The following SMPD3 variants were observed in gnomAD, a reference collection of about 807,000 sequenced individuals.
The protein encoded by SMPD3 is sphingomyelin phosphodiesterase 3.
Under a neutral mutation model 55.7 loss-of-function variants are expected in SMPD3, and 21 were observed. That is an observed-to-expected ratio of 0.38 (90% confidence interval 0.27 to 0.54). SMPD3 has a LOEUF of 0.54. Among genes scored for constraint, SMPD3 ranks in the 20% least tolerant of loss-of-function variants. The pLI is 0.80. For missense variants in SMPD3, 842 were observed against 899.6 expected (o/e 0.94, Z 0.82); for synonymous variants, 457 against 404.3 (o/e 1.13, Z -1.56).
chr16:68,427,313 T>C (rs1378351594), intron 1 of SMPD3, among the ~76,000 whole-genome samples: 2 of 152,160 alleles, frequency 1.3e-5, no homozygotes, highest in African/African-American at 4.8e-5. Flanking sequence ...TAAACTAAGG[T>C]CTATCTGATT....
intron 1 of SMPD3, among the ~76,000 whole-genome samples, chr16:68,413,140 G>A (rs2090314724): frequency 1.3e-5 from 2 of 152,220 alleles, no homozygotes; most frequent in Admixed American, 1.3e-4. Context: ...ATGAGGCTTT[G>A]CTGGATGCAC....
At chr16:68,433,973 A>G (rs530110385) in intron 1 of SMPD3, among the ~76,000 whole-genome samples, 1 of 152,172 alleles carries the variant, frequency 6.6e-6, no homozygotes, top group Non-Finnish European at 1.5e-5. Flanking sequence ...CAACCTTTCT[A>G]AACATACCAT....
intron 1 of SMPD3, among the ~76,000 whole-genome samples, chr16:68,429,185 T>A (rs538720408): frequency 1.3e-5 from 2 of 152,314 alleles, no homozygotes; most frequent in Admixed American, 6.5e-5. Flanking sequence ...CTAATCTCCA[T>A]TGTGGGCAAA....
Position 68,361,025 on chromosome 16 carries a change from T to C in SMPD3, c.*181A>G, listed in dbSNP as rs987932765. The C allele has an allele frequency of 1.7e-6, 1 of 596,148 alleles. No individual in the cohort carries two copies. Among genetic ancestry groups the C allele is most frequent in the Non-Finnish European group, 2.9e-6 (1 of 341,088 alleles). The allele number at this position is 596,148 out of a possible 1,614,324, so 36.9% of individuals were successfully genotyped here. On this transcript the variant is annotated 3_prime_UTR_variant, in exon 9 of 9. Transcript: ENST00000219334. ...GCTCCTGGGGCGGGCCTGACTCCTC[T>C]GTCCACAGTGAGGCCCAGAGGCGCA... is the stretch of plus-strand genomic sequence containing the variant.
intron 1 of SMPD3, among the ~76,000 whole-genome samples, chr16:68,411,902 C>T (rs1366867524): frequency 6.6e-6 from 1 of 152,062 alleles, no homozygotes; most frequent in East Asian, 1.9e-4. Context: ...CAGGAGAAAT[C>T]CAGGAGTCTG....
rs73615919 is a variant in SMPD3 at position 68,364,959 on chromosome 16, C to G, written c.1400-53G>C. On this transcript the variant is annotated intron_variant, in intron 4 of 8. Coordinates refer to ENST00000219334, the MANE Select transcript of SMPD3 (RefSeq NM_018667.4). The stretch of plus-strand genomic sequence containing the variant: ...TGATGAAGTTCGCCCCAGACCCCAG[C>G]TAGGCCCCAGGCACTGATCCCATGC... 7 of 1,613,266 alleles carry G rather than the reference C, an allele frequency of 4.3e-6. No homozygotes were observed. In the South Asian group the frequency reaches 7.7e-5, roughly 18 times the overall value.
At chr16:68,373,642 T>C (rs952734036) in intron 2 of SMPD3, among the ~76,000 whole-genome samples, 8 of 152,050 alleles carry the variant, frequency 5.3e-5, no homozygotes, top group Non-Finnish European at 1.2e-4. Context: ...TCCCCATCAG[T>C]CCCTGCCACT....
chr16:68,389,640 G>A (rs1024087277), intron 1 of SMPD3, among the ~76,000 whole-genome samples: 4 of 152,186 alleles, frequency 2.6e-5, no homozygotes, highest in Admixed American at 2.6e-4. Flanking sequence ...GGAGCCTAGA[G>A]GTTTAGTAAT....
intron 8 of SMPD3, 32 bp downstream of exon 8, chr16:68,361,571 A>C (rs750656587): frequency 6.2e-7 from 1 of 1,601,954 alleles, no homozygotes; most frequent in Non-Finnish European, 8.5e-7. Flanking sequence ...CTCTCTTTGC[A>C]TGGCCCTGGC....
At chr16:68,406,995 G>T (rs1461940143) in intron 1 of SMPD3, among the ~76,000 whole-genome samples, 1 of 152,216 alleles carries the variant, frequency 6.6e-6, no homozygotes, top group Non-Finnish European at 1.5e-5. Context: ...TCGGATGGCT[G>T]TTCTGGGCTG....
At chr16:68,394,563 C>T (rs188835968) in intron 1 of SMPD3, among the ~76,000 whole-genome samples, 6 of 152,318 alleles carry the variant, frequency 3.9e-5, no homozygotes, top group South Asian at 2.1e-4. Context: ...ATTTATTAGG[C>T]GCCTACTGCA....
In SMPD3 at chr16:68,409,698, A is replaced by G. The variant is rs955986322; in HGVS notation, c.-268-23039T>C. ...AAGCTCCGCCTCCTGGGTTCACGCC[A>G]TTCTCCTGCCTCAGCCTCCCGAGTA... On this transcript the variant is annotated intron_variant, in intron 1 of 8. Transcript: ENST00000219334. Among the ~76,000 whole-genome samples, 10 of 152,190 alleles carry G rather than the reference A, an allele frequency of 6.6e-5. No homozygotes were observed. The South Asian group carries it at 2.1e-3, about 32-fold the overall frequency.
chr16:68,375,985 G>A (rs765818797), intron 2 of SMPD3, among the ~76,000 whole-genome samples: 6 of 152,166 alleles, frequency 3.9e-5, no homozygotes, highest in Admixed American at 1.3e-4. Flanking sequence ...TCCTGTGTGC[G>A]GCCCCTGCCT....
intron 3 of SMPD3, chr16:68,368,406 A>C (rs1027847064): frequency 6.6e-6 from 1 of 152,594 alleles, no homozygotes; most frequent in Non-Finnish European, 1.5e-5. Context: ...GCATAAGAGG[A>C]GTCACACCTG....
chr16:68,364,457 C>A, intron 5 of SMPD3: 1 of 363,686 alleles, frequency 2.7e-6, no homozygotes, highest in Non-Finnish European at 4.9e-6. Flanking sequence ...CGCGGCGCCC[C>A]GTTGATGGGT....
At chr16:68,433,752 C>T (rs1473308879) in intron 1 of SMPD3, among the ~76,000 whole-genome samples, 1 of 152,194 alleles carries the variant, frequency 6.6e-6, no homozygotes, top group East Asian at 1.9e-4. Context: ...TGCTGGGATT[C>T]CTATCTGCTG....
chr16:68,386,202 A>G (rs1025879410), intron 2 of SMPD3, among the ~76,000 whole-genome samples: 1 of 151,450 alleles, frequency 6.6e-6, no homozygotes, highest in Non-Finnish European at 1.5e-5. Context: ...AGCCCCAGAG[A>G]CAGACGGGTC....
intron 2 of SMPD3, among the ~76,000 whole-genome samples, chr16:68,374,914 C>G (rs2089771754): frequency 6.6e-6 from 1 of 152,216 alleles, no homozygotes; most frequent in African/African-American, 2.4e-5. Flanking sequence ...GGGGGTCTCT[C>G]AAGGCTCTCC....
rs771893854 is a variant in SMPD3, at chr16:68,364,819, G to A, written c.1487C>T (p.Ala496Val). 1.2e-6 allele frequency: 2 copies of A among 1,613,886 alleles called. No homozygotes were observed. The highest frequency in any genetic ancestry group is 1.7e-6 in the Non-Finnish European group (2 of 1,180,032). ...AAATGCCACCAGCTCCTCGGGGTTG[G>A]CTGCGCTGGACGAGGAGGTAGATTT... ...FRKSTSSSSA[A>V]NPEELVAFDV... Residue 496 changes from alanine to valine, a missense_variant, in exon 5 of 9, where the codon GCC becomes GTC. This residue lies in a region of SMPD3 where 649 missense variants were observed against 643.6 expected (regional missense o/e 1.01). Coordinates refer to ENST00000219334, the MANE Select transcript of SMPD3 (RefSeq NM_018667.4).
Sources: gnomAD v4.1 joint callset for allele counts (sites outside exome capture counted in the v4.1 genomes callset) on GRCh38, gnomAD v4.1.1 for gene constraint, gnomAD v4.1.1 regional missense constraint, MANE v1.5 for transcripts, NCBI Gene and HGNC (gene_info 2026-07-23, HGNC 2026-07-21) for gene names.